ME1: variants seen among roughly 807,000 people sequenced by gnomAD.
ME1 encodes the protein malic enzyme 1.
Under a neutral mutation model 66.4 loss-of-function variants are expected in ME1, and 74 were observed. The observed-to-expected ratio is 1.11, with a 90% CI of 0.92 to 1.35. The LOEUF is 1.35. Among genes scored for constraint, ME1 ranks in the 40% most tolerant of loss-of-function variants. The pLI, the probability that ME1 is intolerant of heterozygous loss-of-function variation, is 0.00. For synonymous variants in ME1, 251 were observed against 235.6 expected (o/e 1.07, Z -0.60); for missense variants, 750 against 694.1 (o/e 1.08, Z -0.90).
intron 12 of ME1, among the ~76,000 whole-genome samples, chr6:83,218,628 G>T (rs187680388): frequency 6.6e-6 from 1 of 152,334 alleles, no homozygotes; most frequent in Non-Finnish European, 1.5e-5. Context: ...GCTGAAGCCA[G>T]ACATCCTACA....
chr6:83,266,673 T>C (rs1766996062), intron 6 of ME1, among the ~76,000 whole-genome samples: 1 of 152,188 alleles, frequency 6.6e-6, no homozygotes, highest in Non-Finnish European at 1.5e-5. Flanking sequence ...ATACGTCCAG[T>C]GGTATTGAAG....
intron 5 of ME1, among the ~76,000 whole-genome samples, chr6:83,328,966 T>C (rs1768354308): frequency 6.6e-6 from 1 of 152,206 alleles, no homozygotes; most frequent in African/African-American, 2.4e-5. Flanking sequence ...ATGATCTTAC[T>C]ATTCACATTA....
chr6:83,382,231 TA>T (rs1185229759), intron 3 of ME1, among the ~76,000 whole-genome samples: 1 of 152,122 alleles, frequency 6.6e-6, no homozygotes, highest in African/African-American at 2.4e-5. Flanking sequence ...ATATTACCTG[TA>T]AATTCCACAA....
At position 83,297,739 on chromosome 6, in the gene ME1, C is replaced by T. The variant is rs1458594664; in HGVS notation, c.704+17571G>A. ...ATTAGCTATTTACCCTGATGCTCTC[C>T]CTGCCCCGACACCCGACAGGCCCCA... On this transcript the variant is annotated intron_variant, in intron 6 of 13. Coordinates refer to ENST00000369705, the MANE Select transcript of ME1 (RefSeq NM_002395.6). Among the ~76,000 whole-genome samples, 3 of 152,130 alleles carry T rather than the reference C, an allele frequency of 2.0e-5. No homozygotes were observed. In the East Asian group the frequency reaches 5.8e-4, roughly 29 times the overall value.
intron 6 of ME1, among the ~76,000 whole-genome samples, chr6:83,291,909 A>T (rs1767511448): frequency 6.6e-6 from 1 of 151,756 alleles, no homozygotes; most frequent in African/African-American, 2.4e-5. Context: ...GCTTGATCGA[A>T]TCGGCTATTG....
intron 7 of ME1, among the ~76,000 whole-genome samples, chr6:83,248,696 A>G (rs1382898808): frequency 6.6e-6 from 1 of 152,118 alleles, no homozygotes; most frequent in Non-Finnish European, 1.5e-5. Flanking sequence ...TCCTTCACTC[A>G]TCTCTCTCCT....
intron 5 of ME1, among the ~76,000 whole-genome samples, chr6:83,327,137 C>T (rs1295657361): frequency 6.6e-6 from 1 of 152,168 alleles, no homozygotes; most frequent in Admixed American, 6.5e-5. Context: ...TTGCTTTAAT[C>T]TCTTAATCCT....
intron 5 of ME1, among the ~76,000 whole-genome samples, chr6:83,340,455 A>G (rs1394974214): frequency 6.6e-6 from 1 of 152,204 alleles, no homozygotes; most frequent in African/African-American, 2.4e-5. Flanking sequence ...CCAGTATTTT[A>G]TAAAGAACTT....
intron 2 of ME1, 39 bp downstream of exon 2, chr6:83,407,729 A>G (rs767207872): frequency 6.5e-7 from 1 of 1,527,890 alleles, no homozygotes; most frequent in Admixed American, 2.4e-5. Context: ...AGACAACTGC[A>G]TAAGAGAAAT....
At chr6:83,363,530 A>G (rs537811601) in intron 3 of ME1, among the ~76,000 whole-genome samples, 133 of 152,336 alleles carry the variant, frequency 8.7e-4, no homozygotes, top group African/African-American at 3.1e-3. Flanking sequence ...AGGATTACAC[A>G]TGACCTAGAC....
At chr6:83,272,385 C>T (rs1359367250) in intron 6 of ME1, among the ~76,000 whole-genome samples, 1 of 151,846 alleles carries the variant, frequency 6.6e-6, no homozygotes, top group African/African-American at 2.4e-5. Context: ...TTTAAAGATA[C>T]CAATTTCAAG....
At chr6:83,369,634 A>C in intron 3 of ME1, among the ~76,000 whole-genome samples, 1 of 151,306 alleles carries the variant, frequency 6.6e-6, no homozygotes, top group Non-Finnish European at 1.5e-5. Flanking sequence ...AGAAAAAGAA[A>C]AGAAAAGAGA....
intron 1 of ME1, among the ~76,000 whole-genome samples, chr6:83,426,077 G>A (rs996026284): frequency 3.3e-5 from 5 of 152,196 alleles, no homozygotes; most frequent in South Asian, 4.2e-4. Context: ...CTTGCCTTCC[G>A]CCATGGGATG....
Position 83,398,370 on chromosome 6 carries a change from G to C in ME1, c.359C>G (p.Pro120Arg). 6.4e-7 allele frequency: 1 copy of C among 1,570,722 alleles called. No individual in the cohort carries two copies. The highest frequency in any genetic ancestry group is 1.2e-5 in the South Asian group (1 of 80,856). ...CQQYSLVFRK[P>R]RGLFITIHDR... ...TATAAAATAAAAGTTGACATACCTT[G>C]GCTTCCGAAACACCAAACTATATTG... The change falls in exon 3 of 14, where the codon CCA becomes CGA. Residue 120 changes from proline to arginine, a missense_variant. Transcript: ENST00000369705.
intron 6 of ME1, among the ~76,000 whole-genome samples, chr6:83,273,750 G>T (rs1767127092): frequency 6.6e-6 from 1 of 152,156 alleles, no homozygotes; most frequent in South Asian, 2.1e-4. Flanking sequence ...TCTACTTCAT[G>T]TTATGTGTTA....
intron 3 of ME1, among the ~76,000 whole-genome samples, chr6:83,390,150 T>C (rs1262082631): frequency 6.6e-6 from 1 of 152,160 alleles, no homozygotes; most frequent in Non-Finnish European, 1.5e-5. Context: ...AATAAAAAAA[T>C]CTAGCCACAG....
intron 2 of ME1, among the ~76,000 whole-genome samples, chr6:83,406,578 C>A (rs1769949196): frequency 6.6e-6 from 1 of 152,148 alleles, no homozygotes; most frequent in South Asian, 2.1e-4. Context: ...TAACATCACA[C>A]TGGGGATTAG....
At chr6:83,356,212 G>T (rs1276361653) in intron 3 of ME1, among the ~76,000 whole-genome samples, 1 of 152,054 alleles carries the variant, frequency 6.6e-6, no homozygotes, top group East Asian at 1.9e-4. Context: ...ATCAGTACAG[G>T]TAGTAGCCAT....
chr6:83,354,248 T>A (rs771933965), intron 3 of ME1, among the ~76,000 whole-genome samples: 2 of 152,182 alleles, frequency 1.3e-5, no homozygotes. Flanking sequence ...TGCCTCAGCC[T>A]CTCAGGTGGC....
Sources: allele counts gnomAD v4.1 joint callset (sites outside exome capture counted in the v4.1 genomes callset), GRCh38; gene constraint gnomAD v4.1.1; transcripts MANE v1.5; gene names NCBI Gene and HGNC (gene_info 2026-07-23, HGNC 2026-07-21).